The following OLA1 variants were observed in gnomAD, a reference collection of about 807,000 sequenced individuals.
OLA1 encodes the protein Obg like ATPase 1.
OLA1 carries 14 observed loss-of-function variants against 48.4 expected under a neutral mutation model. The ratio of observed to expected loss-of-function variants is 0.29; its 90% CI spans 0.19 to 0.45. The LOEUF is 0.45. Ranked by LOEUF, OLA1 falls within the 20% of genes least tolerant of loss-of-function variation. OLA1 has a pLI of 1.00. For synonymous variants in OLA1, 127 were observed against 150.4 expected (o/e 0.84, Z 1.14); for missense variants, 325 against 467.1 (o/e 0.70, Z 2.80).
At chr2:174,128,685 C>T (rs945060675) in intron 5 of OLA1, among the ~76,000 whole-genome samples, 2 of 150,092 alleles carry the variant, frequency 1.3e-5, no homozygotes, top group Admixed American at 1.3e-4. Flanking sequence ...TGCAGTGAGC[C>T]GAGATTGCAC....
intron 5 of OLA1, among the ~76,000 whole-genome samples, chr2:174,140,035 C>T (rs948508400): frequency 6.6e-6 from 1 of 151,944 alleles, no homozygotes; most frequent in African/African-American, 2.4e-5. Context: ...CATAAAAATA[C>T]AAATGGCATC....
chr2:174,078,530 C>A (rs1684796466), intron 10 of OLA1, among the ~76,000 whole-genome samples: 1 of 151,842 alleles, frequency 6.6e-6, no homozygotes, highest in South Asian at 2.1e-4. Flanking sequence ...CTTTAAACAA[C>A]AAACAAGTAA....
chr2:174,115,494 A>G (rs1685759761), intron 7 of OLA1, among the ~76,000 whole-genome samples: 1 of 152,256 alleles, frequency 6.6e-6, no homozygotes, highest in African/African-American at 2.4e-5. Flanking sequence ...TTAAAACCCA[A>G]ATAAAATTTT....
At chr2:174,145,095 T>G (rs1463830388) in intron 4 of OLA1, among the ~76,000 whole-genome samples, 1 of 150,060 alleles carries the variant, frequency 6.7e-6, no homozygotes, top group African/African-American at 2.5e-5. Flanking sequence ...ATGAGGATGC[T>G]TCTACCTCTC....
At chr2:174,213,058 G>A (rs927650181) in intron 4 of OLA1, among the ~76,000 whole-genome samples, 1 of 152,158 alleles carries the variant, frequency 6.6e-6, no homozygotes, top group Non-Finnish European at 1.5e-5. Flanking sequence ...ACTCAGGAAA[G>A]AATAGGGCAA....
In OLA1 at chr2:174,121,522, C is replaced by T. The variant is rs530431693; in HGVS notation, c.728+1658G>A. Reference sequence around the variant, plus strand: ...CAAGATCTGGATCCCTCCCAACCCTCCCCCCAAGACATACACACACCAACC... The same window carrying T: ...CAAGATCTGGATCCCTCCCAACCCTTCCCCCAAGACATACACACACCAACC... On this transcript the variant is annotated intron_variant, in intron 7 of 10. Coordinates refer to ENST00000284719, the MANE Select transcript of OLA1 (RefSeq NM_013341.5). 4.6e-5 allele frequency among the ~76,000 whole-genome samples: 7 copies of T among 150,928 alleles called. No homozygotes were observed. In the East Asian group the frequency reaches 1.4e-3, roughly 30 times the overall value.
At chr2:174,151,720 G>A (rs957725766) in intron 4 of OLA1, among the ~76,000 whole-genome samples, 1 of 152,156 alleles carries the variant, frequency 6.6e-6, no homozygotes, top group South Asian at 2.1e-4. Context: ...TCAAGAGAAG[G>A]GAGAGAGCTA....
At chr2:174,142,111 C>T (rs1250417776) in intron 4 of OLA1, 111 bp from the exon 5 acceptor site, 22 of 964,606 alleles carry the variant, frequency 2.3e-5, no homozygotes, top group Non-Finnish European at 3.3e-5. Flanking sequence ...AAATAAATTA[C>T]TCTGGCTTCT....
rs141285275 is a variant in OLA1, at chr2:174,103,015, T to A, written c.728+20165A>T. On this transcript the variant is annotated intron_variant, in intron 7 of 10. Transcript: ENST00000284719. Reference sequence around the variant, plus strand: ...AAGGAAGAAGGAGAGAAATGAGCAGTAGTGTGAAAGGCAAGCAGGGTCAAA... The same window carrying A: ...AAGGAAGAAGGAGAGAAATGAGCAGAAGTGTGAAAGGCAAGCAGGGTCAAA... 5.7e-3 allele frequency among the ~76,000 whole-genome samples: 874 copies of A among 152,134 alleles called. 6 individuals carry two copies. Among genetic ancestry groups the A allele is most frequent in the Non-Finnish European group, 9.8e-3 (668 of 67,962 alleles).
intron 6 of OLA1, 148 bp from the exon 7 acceptor site, chr2:174,123,425 A>T: frequency 1.6e-6 from 1 of 607,956 alleles, no homozygotes; most frequent in South Asian, 2.4e-5. Flanking sequence ...GTGGTTATGA[A>T]ATATCATGAG....
At chr2:174,219,423 C>CTTTTTTTTTT (rs372577919) in intron 4 of OLA1, among the ~76,000 whole-genome samples, 5 of 94,928 alleles carry the variant, frequency 5.3e-5, no homozygotes, top group Admixed American at 1.4e-4. Flanking sequence ...TTTTATTTCC[C>CTTTTTTTTTT]TTTTTTTTTT....
At chr2:174,110,391 A>G (rs1432858608) in intron 7 of OLA1, among the ~76,000 whole-genome samples, 1 of 145,004 alleles carries the variant, frequency 6.9e-6, no homozygotes, top group East Asian at 2.0e-4. Context: ...GTCTCAAGTG[A>G]TGTGCCCACC....
At chr2:174,163,409 C>T (rs1351661038) in intron 4 of OLA1, among the ~76,000 whole-genome samples, 4 of 151,444 alleles carry the variant, frequency 2.6e-5, no homozygotes, top group Non-Finnish European at 4.4e-5. Flanking sequence ...ATAAATATGC[C>T]GGGTGTGGTG....
chr2:174,124,434 G>A (rs762915380), intron 5 of OLA1: 2 of 152,198 alleles, frequency 1.3e-5, no homozygotes, highest in Non-Finnish European at 2.9e-5. Flanking sequence ...TTTCTTCACA[G>A]AAAGATTAAT....
In OLA1 at chr2:174,141,860, C is replaced by A. The variant is rs143156618; in HGVS notation, c.514G>T (p.Val172Leu). ...PIIDKLEKVA[V>L]RGGDKKLKPE... ...TTTAGTTTTTTATCTCCTCCTCTCA[C>A]AGCCACCTTTTCTAGTTTATCTATA... The change falls in exon 5 of 11, where the codon GTG (valine) becomes TTG (leucine). Residue 172 changes from valine to leucine, a missense_variant. Physicochemically the swap from Val to Leu is conservative, Grantham distance 32 (BLOSUM62 1). Coordinates refer to ENST00000284719, the MANE Select transcript of OLA1 (RefSeq NM_013341.5). 58 of 1,609,594 alleles carry A rather than the reference C, an allele frequency of 3.6e-5. No individual in the cohort carries two copies. The highest frequency in any genetic ancestry group is 4.7e-5 in the Non-Finnish European group (55 of 1,179,306).
chr2:174,176,619 C>A (rs528317154), intron 4 of OLA1, among the ~76,000 whole-genome samples: 1 of 152,028 alleles, frequency 6.6e-6, no homozygotes, highest in Non-Finnish European at 1.5e-5. Context: ...TTCTCAGGTG[C>A]CCCTGTGCTT....
intron 7 of OLA1, among the ~76,000 whole-genome samples, chr2:174,113,771 G>A (rs1357932202): frequency 6.6e-6 from 1 of 152,022 alleles, no homozygotes; most frequent in Non-Finnish European, 1.5e-5. Context: ...TTGTACTGTC[G>A]CTTAGCTGTC....
intron 7 of OLA1, among the ~76,000 whole-genome samples, chr2:174,085,209 T>C (rs1684941990): frequency 1.3e-5 from 2 of 152,342 alleles, no homozygotes; most frequent in South Asian, 2.1e-4. Context: ...TACTTTGAGA[T>C]ACACTGGCAA....
chr2:174,245,687 A>G (rs770245503), intron 2 of OLA1, among the ~76,000 whole-genome samples: 14 of 152,146 alleles, frequency 9.2e-5, no homozygotes, highest in Non-Finnish European at 2.1e-4. Context: ...TGAGGTCAGG[A>G]GTTCAACACC....
Sources: allele counts gnomAD v4.1 joint callset (sites outside exome capture counted in the v4.1 genomes callset), GRCh38; gene constraint gnomAD v4.1.1; transcripts MANE v1.5; gene names NCBI Gene and HGNC (gene_info 2026-07-23, HGNC 2026-07-21).